Variants in IGF1R observed in about 807,000 individuals in gnomAD.
IGF1R encodes the protein insulin like growth factor 1 receptor.
In IGF1R, 44 loss-of-function variants were observed where a neutral mutation model predicts 144.6. That is an observed-to-expected ratio of 0.30 (90% CI 0.24 to 0.39). The LOEUF (loss-of-function observed/expected upper bound fraction) is 0.39. Ranked by LOEUF, IGF1R falls within the 10% of genes least tolerant of loss-of-function variation. The pLI, the probability that IGF1R is intolerant of heterozygous loss-of-function variation, is 1.00. For missense variants in IGF1R, 1,355 were observed against 1,833.7 expected (o/e 0.74, Z 4.77); for synonymous variants, 795 against 722.8 (o/e 1.10, Z -1.60).
chr15:98,935,139 C>T lies in IGF1R; in HGVS notation c.3186+86C>T. ...CCCAGTATGTTCTTGGCTGCATGTA[C>T]CCGTGGGTTTGGTGTCTTGCCTTTG... On this transcript the variant is annotated intron_variant, in intron 16 of 20. Transcript: ENST00000650285. This position sits in a 1 kb window ranked among gnomAD's most constrained non-coding sequence, Gnocchi z 4.2. 1 of 1,210,526 alleles carries T rather than the reference C, an allele frequency of 8.3e-7. No homozygotes were observed. Among genetic ancestry groups the T allele is most frequent in the Non-Finnish European group, 1.2e-6 (1 of 825,166 alleles). The allele number at this position is 1,210,526 out of a possible 1,614,324, so 75.0% of individuals were successfully genotyped here.
Position 98,813,964 on chromosome 15 carries a change from T to C in IGF1R, c.641-77361T>C, listed in dbSNP as rs145991056. Reference sequence around the variant, plus strand: ...CAACAATAGCTTAATCCAGTAGAGATGAGGTCCGGAATAGGTTCTGGCCTA... The same window carrying C: ...CAACAATAGCTTAATCCAGTAGAGACGAGGTCCGGAATAGGTTCTGGCCTA... On this transcript the variant is annotated intron_variant, in intron 2 of 20. Transcript: ENST00000650285. Among the ~76,000 whole-genome samples, 157 of 152,352 alleles carry C rather than the reference T, an allele frequency of 1.0e-3. 2 individuals are homozygous for C. The East Asian group carries it at 0.025, about 25-fold the overall frequency.
intron 20 of IGF1R, among the ~76,000 whole-genome samples, chr15:98,952,142 G>C (rs60118710): frequency 0.27 from 40,873 of 152,034 alleles, 5,952 homozygotes; most frequent in Non-Finnish European, 0.34. Context: ...CAGAAGGCAC[G>C]ACGTCCTTTC....
chr15:98,764,139 C>T lies in IGF1R; in HGVS notation c.640+56032C>T, dbSNP rs1177775001. 3.3e-5 allele frequency among the ~76,000 whole-genome samples: 5 copies of T among 152,230 alleles called. No individual in the cohort carries two copies. In the East Asian group the frequency reaches 9.6e-4, roughly 29 times the overall value. On this transcript the variant is annotated intron_variant, in intron 2 of 20. Transcript: ENST00000650285. ...TAACACCTCATCTTCTTTCAGCCCA[C>T]ACGTCTTCACTACAGGATTAGCTTT...
In IGF1R at chr15:98,855,933, A is replaced by C. The variant is rs1208706736; in HGVS notation, c.641-35392A>C. Reference sequence around the variant, plus strand: ...GCTGGTGCAGCTGGTCAGTTTGCAGAAGGAGGCCAGTTACTAGAGCAGAGT... The same window carrying C: ...GCTGGTGCAGCTGGTCAGTTTGCAGCAGGAGGCCAGTTACTAGAGCAGAGT... On this transcript the variant is annotated intron_variant, in intron 2 of 20. Coordinates refer to ENST00000650285, the MANE Select transcript of IGF1R (RefSeq NM_000875.5). Among the ~76,000 whole-genome samples the C allele has an allele frequency of 2.0e-5, 3 of 152,232 alleles. No individual in the cohort carries two copies. The East Asian group carries it at 5.8e-4, about 29-fold the overall frequency.
Position 98,924,538 on chromosome 15 carries a change from G to A in IGF1R, c.2636G>A (p.Cys879Tyr), listed in dbSNP as rs754994691. 6.2e-7 allele frequency: 1 copy of A among 1,614,162 alleles called. No individual in the cohort carries two copies. ...TTATTTCCCCAGGATCAGCGAGAATGTGTGTCCAGACAGGAATACAGGAAG... is the reference window on the plus strand; with the variant it reads ...TTATTTCCCCAGGATCAGCGAGAATATGTGTCCAGACAGGAATACAGGAAG... ...YGSQVEDQRE[C>Y]VSRQEYRKYG... The change falls in exon 13 of 21, where the codon TGT becomes TAT. Residue 879 changes from cysteine to tyrosine, a missense_variant. Coordinates refer to ENST00000650285, the MANE Select transcript of IGF1R (RefSeq NM_000875.5).
In IGF1R at chr15:98,735,158, AC is replaced by A. The variant is rs551696680; in HGVS notation, c.640+27053del. Among the ~76,000 whole-genome samples the A allele has an allele frequency of 1.5e-4, 23 of 152,218 alleles. No individual in the cohort carries two copies. The South Asian group carries it at 4.6e-3, about 30-fold the overall frequency. ...GGGTTTTGCAGCCTGGGGAGAGGTG[AC>A]CACCCCTCGTTTCAGTCCAGGTAGG... On this transcript the variant is annotated intron_variant, in intron 2 of 20. Coordinates refer to ENST00000650285, the MANE Select transcript of IGF1R (RefSeq NM_000875.5).
intron 1 of IGF1R, among the ~76,000 whole-genome samples, chr15:98,674,548 A>G (rs551628460): frequency 6.6e-6 from 1 of 152,340 alleles, no homozygotes; most frequent in South Asian, 2.1e-4. Context: ...ATGACTTCAC[A>G]TATTTGACCT....
At chr15:98,820,868 A>G (rs974413321) in intron 2 of IGF1R, 1 of 152,206 alleles carries the variant, frequency 6.6e-6, no homozygotes, top group Admixed American at 6.6e-5. Flanking sequence ...TGACATCACA[A>G]TTGAATTTTT....
intron 5 of IGF1R, 31 bp downstream of exon 5, chr15:98,899,652 T>A: frequency 6.2e-7 from 1 of 1,609,558 alleles, no homozygotes; most frequent in South Asian, 1.1e-5. Flanking sequence ...GAGCTGACGT[T>A]CTATTACAAA....
At chr15:98,722,239 A>G (rs2054262844) in intron 2 of IGF1R, among the ~76,000 whole-genome samples, 1 of 152,206 alleles carries the variant, frequency 6.6e-6, no homozygotes, top group South Asian at 2.1e-4. Context: ...GAGACACTCT[A>G]CGACTTTTGC....
intron 1 of IGF1R, among the ~76,000 whole-genome samples, chr15:98,702,910 C>G (rs1055559182): frequency 6.6e-6 from 1 of 152,146 alleles, no homozygotes; most frequent in Non-Finnish European, 1.5e-5. Context: ...GCACTCTAGC[C>G]TGGGTGACAG....
At chr15:98,894,642 G>A (rs776916514) in intron 3 of IGF1R, among the ~76,000 whole-genome samples, 10 of 152,188 alleles carry the variant, frequency 6.6e-5, no homozygotes, top group Non-Finnish European at 1.2e-4. Flanking sequence ...GGCGGCTCAC[G>A]CCTGTGATCC....
At position 98,780,912 on chromosome 15, in the gene IGF1R, G is replaced by C. The variant is rs2055847179; in HGVS notation, c.640+72805G>C. Among the ~76,000 whole-genome samples the C allele has an allele frequency of 3.3e-5, 5 of 152,282 alleles. No individual in the cohort carries two copies. In the South Asian group the frequency reaches 1.0e-3, roughly 32 times the overall value. On this transcript the variant is annotated intron_variant, in intron 2 of 20. Coordinates refer to ENST00000650285, the MANE Select transcript of IGF1R (RefSeq NM_000875.5). ...TCTTACTGAACAATGTAGAAAAGAA[G>C]ATTTACCAGCCTGGGCAACATGGCA...
chr15:98,882,283 G>T (rs2013424075), intron 2 of IGF1R, among the ~76,000 whole-genome samples: 1 of 152,246 alleles, frequency 6.6e-6, no homozygotes, highest in Non-Finnish European at 1.5e-5. Context: ...ACACCTGCAT[G>T]AGGGCTGGGG....
At chr15:98,949,945 GGC>G (rs2016710718) in intron 20 of IGF1R, among the ~76,000 whole-genome samples, 1 of 152,156 alleles carries the variant, frequency 6.6e-6, no homozygotes, top group African/African-American at 2.4e-5. Context: ...TCAGTCATCA[GGC>G]GCACAACAGG....
Position 98,958,596 on chromosome 15 carries a change from C to T in IGF1R, c.*1154C>T, listed in dbSNP as rs1336227988. ...CTGTTCCTAGGACTTCTTCATGGGT[C>T]TTACAGTTCTATGTTAGACCATGAA... On this transcript the variant is annotated 3_prime_UTR_variant, in exon 21 of 21. Coordinates refer to ENST00000650285, the MANE Select transcript of IGF1R (RefSeq NM_000875.5). 4.3e-6 allele frequency: 1 copy of T among 232,740 alleles called. No homozygotes were observed. The highest frequency in any genetic ancestry group is 8.5e-6 in the Non-Finnish European group (1 of 117,518). The allele number at this position is 232,740 out of a possible 1,614,324, so 14.4% of individuals were successfully genotyped here. A position where few individuals can be genotyped will look rare whatever the true frequency, so the allele number is the denominator to read the frequency against.
At chr15:98,689,300 G>A (rs896646588) in intron 1 of IGF1R, among the ~76,000 whole-genome samples, 4 of 144,916 alleles carry the variant, frequency 2.8e-5, no homozygotes, top group African/African-American at 5.1e-5. Context: ...GTGCAGTGGC[G>A]TGATCTCAGC....
chr15:98,852,172 A>G (rs1257457482), intron 2 of IGF1R, among the ~76,000 whole-genome samples: 1 of 152,216 alleles, frequency 6.6e-6, no homozygotes, highest in East Asian at 1.9e-4. Flanking sequence ...CCACAGAACA[A>G]AAATGATGTG....
chr15:98,935,141 C>G lies in IGF1R; in HGVS notation c.3186+88C>G. Reference sequence around the variant, plus strand: ...CAGTATGTTCTTGGCTGCATGTACCCGTGGGTTTGGTGTCTTGCCTTTGCC... The same window carrying G: ...CAGTATGTTCTTGGCTGCATGTACCGGTGGGTTTGGTGTCTTGCCTTTGCC... On this transcript the variant is annotated intron_variant, in intron 16 of 20. Coordinates refer to ENST00000650285, the MANE Select transcript of IGF1R (RefSeq NM_000875.5). The surrounding 1 kb of genome is among the most constrained non-coding windows in gnomAD (Gnocchi z 4.2). 1.7e-6 allele frequency: 2 copies of G among 1,198,038 alleles called. No homozygotes were observed. Among genetic ancestry groups the G allele is most frequent in the Non-Finnish European group, 2.5e-6 (2 of 814,936 alleles). 74.2% of individuals were successfully genotyped at this position (1,198,038 alleles called of 1,614,324 possible).
Sources: allele counts gnomAD v4.1 joint callset (sites outside exome capture counted in the v4.1 genomes callset), GRCh38; gene constraint gnomAD v4.1.1; non-coding constraint Gnocchi (gnomAD v3.1); transcripts MANE v1.5; gene names NCBI Gene and HGNC (gene_info 2026-07-23, HGNC 2026-07-21).